CLTRN: variants seen among roughly 807,000 people sequenced by gnomAD.
CLTRN encodes collectrin.
Under a neutral mutation model 14.5 loss-of-function variants are expected in CLTRN, and 12 were observed. The observed-to-expected ratio is 0.83, with a 90% CI of 0.53 to 1.34. CLTRN has a LOEUF of 1.34. Ranked by LOEUF, CLTRN falls within the 40% of genes most tolerant of loss-of-function variation. The pLI is 0.00. For missense variants in CLTRN, 154 were observed against 165.1 expected (o/e 0.93, Z 0.37); for synonymous variants, 58 against 56.5 (o/e 1.03, Z -0.12).
chrX:15,670,101 C>A (rs1431675575), intron 1 of CLTRN, among the ~76,000 whole-genome samples: 2 of 109,431 alleles, frequency 1.8e-5, no homozygotes, highest in Admixed American at 9.8e-5. Context: ...CATGGCGAAA[C>A]CCCCTCTCTA....
At chrX:15,667,981 C>G (rs1408206144), upstream of CLTRN, among the ~76,000 whole-genome samples, 1 of 112,035 alleles carries the variant, frequency 8.9e-6, no homozygotes, top group Non-Finnish European at 1.9e-5. Flanking sequence ...TCAGTGTAAG[C>G]CATTCATCTG....
chrX:15,644,099 G>A (rs1209456101), intron 4 of CLTRN, among the ~76,000 whole-genome samples: 3 of 111,776 alleles, frequency 2.7e-5, no homozygotes, highest in Non-Finnish European at 1.9e-5. Flanking sequence ...AGTTTCTTAC[G>A]ATCATAAGGA....
At chrX:15,646,010 C>G (rs1050489479) in intron 3 of CLTRN, among the ~76,000 whole-genome samples, 1 of 112,983 alleles carries the variant, frequency 8.9e-6, no homozygotes, top group African/African-American at 3.2e-5. Flanking sequence ...TTTTCAGGAC[C>G]TGGCAGAAAT....
intron 3 of CLTRN, among the ~76,000 whole-genome samples, chrX:15,645,967 A>G (rs1463364641): frequency 8.8e-6 from 1 of 113,239 alleles, no homozygotes; most frequent in Non-Finnish European, 1.9e-5. Context: ...CACTGATCAA[A>G]GAGAGCACCC....
Position 15,628,162 on chromosome X carries a change from G to GA in CLTRN, c.513-36dup, listed in dbSNP as rs746402684. ...CATAAAAAAGAGTGATTGGCATCTA[G>GA]AAGGACCATAACCATGGTTGCATAT... is the stretch of plus-strand genomic sequence containing the variant. On this transcript the variant is annotated intron_variant, in intron 5 of 5. Coordinates refer to ENST00000380342, the MANE Select transcript of CLTRN (RefSeq NM_020665.6). 9.3e-5 allele frequency: 93 copies of GA among 1,004,638 alleles called. 1 individual carries two copies. In the Middle Eastern group the frequency reaches 2.8e-3, roughly 31 times the overall value. The allele number at this position is 1,004,638 out of a possible 1,213,427, so 82.8% of individuals were successfully genotyped here.
chrX:15,646,875 A>G (rs913962968), intron 3 of CLTRN: 3 of 297,059 alleles, frequency 1.0e-5, no homozygotes, highest in Non-Finnish European at 2.0e-5. Context: ...TGCCCAGGCC[A>G]TCTGCCTTCG....
chrX:15,637,133 A>T (rs1320564972), intron 5 of CLTRN, among the ~76,000 whole-genome samples: 1 of 111,592 alleles, frequency 9.0e-6, no homozygotes, highest in East Asian at 2.8e-4. Flanking sequence ...TGACTTAGAT[A>T]ATCCCATGGT....
At chrX:15,634,116 T>A (rs1318285962) in intron 5 of CLTRN, among the ~76,000 whole-genome samples, 1 of 111,795 alleles carries the variant, frequency 8.9e-6, no homozygotes, top group African/African-American at 3.3e-5. Flanking sequence ...TATATACATG[T>A]AAATCTGAAA....
intron 2 of CLTRN, among the ~76,000 whole-genome samples, chrX:15,661,075 T>C (rs1269395949): frequency 8.9e-6 from 1 of 111,863 alleles, no homozygotes; most frequent in East Asian, 2.8e-4. Flanking sequence ...GTAGCTATGA[T>C]CTAACCTAAT....
intron 1 of CLTRN, among the ~76,000 whole-genome samples, chrX:15,674,243 C>T (rs1031082460): frequency 1.8e-5 from 2 of 111,882 alleles, no homozygotes; most frequent in African/African-American, 6.5e-5. Context: ...CCCAGAATTG[C>T]GAATGGAGGG....
chrX:15,659,192 CCACACA>C (rs374840378), intron 2 of CLTRN, 91 bp from the exon 3 acceptor site: 8 of 331,139 alleles, frequency 2.4e-5, no homozygotes, highest in Admixed American at 6.9e-5. Flanking sequence ...CTCTCTCTCT[CCACACA>C]CACACACACA....
chrX:15,661,114 T>C (rs1929497183), intron 2 of CLTRN, among the ~76,000 whole-genome samples: 1 of 111,942 alleles, frequency 8.9e-6, no homozygotes, highest in East Asian at 2.8e-4. Context: ...GAAGAAGAAA[T>C]GGGTCTGATT....
upstream of CLTRN, among the ~76,000 whole-genome samples, chrX:15,667,688 T>C (rs149508296): frequency 5.3e-3 from 591 of 112,079 alleles, 5 homozygotes; most frequent in Non-Finnish European, 8.5e-3. Context: ...TTTGTCATCT[T>C]TGTTGAACTT....
chrX:15,673,094 C>T (rs182270561), intron 1 of CLTRN, among the ~76,000 whole-genome samples: 31 of 112,350 alleles, frequency 2.8e-4, no homozygotes, highest in African/African-American at 1.0e-3. Context: ...TTATTTCCCA[C>T]GTAGCTCACA....
rs749519850 is a variant in CLTRN, at chrX:15,634,705, T to C, written c.512+4857A>G. ...AGAACAAAAAATCAAACACCGCATA[T>C]TCTCACTCATAGGTGGGAACTGAAC... On this transcript the variant is annotated intron_variant, in intron 5 of 5. Transcript: ENST00000380342. Among the ~76,000 whole-genome samples the C allele has an allele frequency of 6.0e-5, 6 of 100,614 alleles. No individual in the cohort carries two copies. In the South Asian group the frequency reaches 2.4e-3, roughly 39 times the overall value. 87.4% of individuals were successfully genotyped at this position (100,614 alleles called of 115,157 possible). A position where few individuals can be genotyped will look rare whatever the true frequency, so the allele number is the denominator to read the frequency against.
intron 5 of CLTRN, among the ~76,000 whole-genome samples, chrX:15,631,421 T>A (rs1183464791): frequency 9.6e-6 from 1 of 104,595 alleles, no homozygotes. Context: ...AGGGCCTATT[T>A]TCCAGTTTCT....
chrX:15,646,936 C>G, intron 3 of CLTRN: 1 of 264,170 alleles, frequency 3.8e-6, no homozygotes, highest in Non-Finnish European at 7.2e-6. Flanking sequence ...CGGGTCTAGG[C>G]CGCTGAGCAG....
At chrX:15,651,498 T>C (rs1402041106) in intron 3 of CLTRN, among the ~76,000 whole-genome samples, 1 of 111,284 alleles carries the variant, frequency 9.0e-6, no homozygotes, top group African/African-American at 3.3e-5. Context: ...TCTTCTAGAT[T>C]TCACATGGCT....
At chrX:15,659,202 A>ACACACACACACG (rs1356381205) in intron 2 of CLTRN, 101 bp from the exon 3 acceptor site, 17 of 355,947 alleles carry the variant, frequency 4.8e-5, no homozygotes, top group Non-Finnish European at 7.4e-5. Flanking sequence ...CCACACACAC[A>ACACACACACACG]CACACACACA....
Sources: allele counts gnomAD v4.1 joint callset (sites outside exome capture counted in the v4.1 genomes callset), GRCh38; gene constraint gnomAD v4.1.1; transcripts MANE v1.5; gene names NCBI Gene and HGNC (gene_info 2026-07-23, HGNC 2026-07-21).